The following TAFA2 variants were observed in gnomAD, a reference collection of about 807,000 sequenced individuals.
TAFA2 encodes the protein TAFA chemokine like family member 2, also known as chemokine-like protein TAFA-2.
In TAFA2, 7 loss-of-function variants were observed where a neutral mutation model predicts 18.8. The ratio of observed to expected loss-of-function variants is 0.37; its 90% confidence interval spans 0.21 to 0.70. The LOEUF (loss-of-function observed/expected upper bound fraction) is 0.70. Among genes scored for constraint, TAFA2 ranks in the 30% least tolerant of loss-of-function variants. TAFA2 has a pLI of 0.53. For synonymous variants in TAFA2, 60 were observed against 54.2 expected, an observed-to-expected ratio of 1.11 and a Z score of -0.47; for missense variants, 122 against 158.1, an observed-to-expected ratio of 0.77 and a Z score of 1.23.
At chr12:61,717,830 C>T (rs1869728822) in intron 4 of TAFA2, among the ~76,000 whole-genome samples, 1 of 152,110 alleles carries the variant, frequency 6.6e-6, no homozygotes, top group African/African-American at 2.4e-5. Flanking sequence ...ACCAGTGTTT[C>T]TACCTGCTGG....
chr12:61,787,015 G>A (rs78732854), intron 2 of TAFA2, among the ~76,000 whole-genome samples: 6,966 of 151,420 alleles, frequency 0.046, 506 homozygotes, highest in African/African-American at 0.16. Context: ...AAACTTAACC[G>A]CATAAGTAAT....
chr12:62,074,018 C>T (rs1283668515), intron 1 of TAFA2, among the ~76,000 whole-genome samples: 2 of 152,208 alleles, frequency 1.3e-5, no homozygotes, highest in Non-Finnish European at 2.9e-5. Context: ...TTGGTGAGTA[C>T]AAACTTGCTT....
chr12:61,935,942 T>C (rs1174236546), intron 1 of TAFA2, among the ~76,000 whole-genome samples: 1 of 151,872 alleles, frequency 6.6e-6, no homozygotes, highest in Non-Finnish European at 1.5e-5. Context: ...AGAACTGATA[T>C]CAATCCTACT....
chr12:62,205,288 G>C (rs2062687277), intron 1 of TAFA2, among the ~76,000 whole-genome samples: 1 of 152,212 alleles, frequency 6.6e-6, no homozygotes, highest in Non-Finnish European at 1.5e-5. Context: ...ACTCTTGGGG[G>C]GGTCTCACCC....
chr12:61,827,917 C>A (rs1442550168), intron 2 of TAFA2, among the ~76,000 whole-genome samples: 1 of 151,950 alleles, frequency 6.6e-6, no homozygotes, highest in African/African-American at 2.4e-5. Context: ...CTTCCAATAA[C>A]AGAAGTCACT....
intron 2 of TAFA2, among the ~76,000 whole-genome samples, chr12:61,797,879 T>G (rs1871249601): frequency 6.6e-6 from 1 of 152,182 alleles, no homozygotes; most frequent in Non-Finnish European, 1.5e-5. Context: ...TGTATGAAAT[T>G]TTTGTCTTTA....
intron 2 of TAFA2, among the ~76,000 whole-genome samples, chr12:61,851,372 G>T (rs1565656087): frequency 6.6e-6 from 1 of 152,178 alleles, no homozygotes; most frequent in Non-Finnish European, 1.5e-5. Context: ...GTGCCTTCAA[G>T]AAATTGCCAA....
At chr12:62,214,221 A>C (rs2062724894) in intron 1 of TAFA2, among the ~76,000 whole-genome samples, 1 of 152,128 alleles carries the variant, frequency 6.6e-6, no homozygotes, top group African/African-American at 2.4e-5. Context: ...TGCCCACCCA[A>C]ATCTCATCTT....
rs375478503 is a variant in TAFA2, at chr12:62,037,973, T to C, written c.-2+153286A>G. On this transcript the variant is annotated intron_variant, in intron 1 of 4. Transcript: ENST00000416284. ...AAACATCCATATCCACATGAACATC[T>C]AATCAGTTTTATCATTTCATTTGTA... Among the ~76,000 whole-genome samples, 3 of 152,182 alleles carry C rather than the reference T, an allele frequency of 2.0e-5. No homozygotes were observed. In the East Asian group the frequency reaches 5.8e-4, roughly 29 times the overall value.
chr12:61,888,272 T>C (rs1293206137), intron 1 of TAFA2, among the ~76,000 whole-genome samples: 1 of 152,212 alleles, frequency 6.6e-6, no homozygotes, highest in Non-Finnish European at 1.5e-5. Flanking sequence ...TAATTGCTTT[T>C]ATAAGTGTAG....
intron 2 of TAFA2, among the ~76,000 whole-genome samples, chr12:61,776,581 A>G (rs1437393580): frequency 3.3e-5 from 5 of 151,950 alleles, no homozygotes; most frequent in Non-Finnish European, 5.9e-5. Context: ...AATAATTCAT[A>G]AAGATGATGC....
At chr12:62,033,804 G>A (rs1485871631) in intron 1 of TAFA2, among the ~76,000 whole-genome samples, 1 of 151,998 alleles carries the variant, frequency 6.6e-6, no homozygotes, top group Non-Finnish European at 1.5e-5. Context: ...TCTCTGGTTA[G>A]CCTATAAAAA....
chr12:62,111,183 T>G (rs920148219), intron 1 of TAFA2, among the ~76,000 whole-genome samples: 6 of 152,214 alleles, frequency 3.9e-5, no homozygotes, highest in African/African-American at 1.4e-4. Context: ...TCTGGTACAT[T>G]GTGTCTTTGT....
intron 1 of TAFA2, among the ~76,000 whole-genome samples, chr12:61,903,834 TGA>T (rs1251920557): frequency 6.6e-6 from 1 of 152,198 alleles, no homozygotes; most frequent in African/African-American, 2.4e-5. Flanking sequence ...TTTTTCCTTC[TGA>T]GAGAATTCAA....
intron 1 of TAFA2, among the ~76,000 whole-genome samples, chr12:62,132,259 C>T (rs1870717784): frequency 6.6e-6 from 1 of 150,714 alleles, no homozygotes; most frequent in African/African-American, 2.4e-5. Context: ...AAATATTAAA[C>T]TCTAATCACT....
At chr12:61,852,452 G>C (rs1288564174) in intron 2 of TAFA2, among the ~76,000 whole-genome samples, 1 of 152,112 alleles carries the variant, frequency 6.6e-6, no homozygotes, top group African/African-American at 2.4e-5. Context: ...GAATTAAACA[G>C]CAGCTGCTCT....
intron 1 of TAFA2, among the ~76,000 whole-genome samples, chr12:61,953,021 C>G (rs2121456711): frequency 6.6e-6 from 1 of 152,060 alleles, no homozygotes; most frequent in Non-Finnish European, 1.5e-5. Flanking sequence ...CAGTAAAAAG[C>G]CAGAAAACAT....
intron 4 of TAFA2, among the ~76,000 whole-genome samples, chr12:61,711,346 A>T (rs1051222312): frequency 1.3e-5 from 2 of 151,940 alleles, no homozygotes; most frequent in African/African-American, 4.8e-5. Context: ...TTACCAACAC[A>T]GCAGAAATAT....
At chr12:62,044,607 C>T (rs1881860096) in intron 1 of TAFA2, among the ~76,000 whole-genome samples, 2 of 152,124 alleles carry the variant, frequency 1.3e-5, no homozygotes, top group Non-Finnish European at 2.9e-5. Flanking sequence ...GGCTCCTGCT[C>T]TTTTTGTCCA....
Sources: allele counts gnomAD v4.1 joint callset (sites outside exome capture counted in the v4.1 genomes callset), GRCh38; gene constraint gnomAD v4.1.1; transcripts MANE v1.5; gene names NCBI Gene and HGNC (gene_info 2026-07-23, HGNC 2026-07-21).